Variants in ATRIP observed in about 807,000 individuals in gnomAD.
ATRIP encodes ATR interacting protein, also known as ATR-interacting protein.
A neutral mutation model predicts 78.1 loss-of-function variants in ATRIP; 44 were observed. That is an observed-to-expected ratio of 0.56 (90% CI 0.44 to 0.72). ATRIP has a LOEUF of 0.72. ATRIP is among the 30% of genes least tolerant of loss of function. The pLI is 0.00. For synonymous variants in ATRIP, 388 were observed against 408.9 expected, an observed-to-expected ratio of 0.95 and a Z score of 0.62; for missense variants, 927 against 980.2, an observed-to-expected ratio of 0.95 and a Z score of 0.72.
In ATRIP at chr3:48,460,298, G is replaced by A. The variant is rs924199157; in HGVS notation, c.1244G>A (p.Gly415Glu). The change falls in exon 8 of 13, where the codon GGA becomes GAA. Residue 415 changes from glycine (G) to glutamate (E), a missense_variant. Coordinates refer to ENST00000320211, the MANE Select transcript of ATRIP (RefSeq NM_130384.3). ...RRAFPLCQLPGAVHFLPLVQF... is the reference protein window; with the variant it reads ...RRAFPLCQLPEAVHFLPLVQF... Reference sequence around the variant, plus strand: ...GCCTTCCCACTCTGCCAGCTTCCTGGAGCCGTGCATTTCCTCCCCCTTGTA... The same window carrying A: ...GCCTTCCCACTCTGCCAGCTTCCTGAAGCCGTGCATTTCCTCCCCCTTGTA... 2.5e-6 allele frequency: 4 copies of A among 1,614,074 alleles called. No homozygotes were observed. Among genetic ancestry groups the A allele is most frequent in the Non-Finnish European group, 3.4e-6 (4 of 1,180,002 alleles).
At chr3:48,464,457 C>T in intron 10 of ATRIP, 125 bp from the exon 11 acceptor site, 3 of 1,134,410 alleles carry the variant, frequency 2.6e-6, no homozygotes, top group Non-Finnish European at 3.9e-6. Context: ...CACACCACTT[C>T]TTGGACCCCA....
chr3:48,447,023 CT>C lies in ATRIP; in HGVS notation c.179del (p.Leu60ArgfsTer12). 1 of 1,573,340 alleles carries C rather than the reference CT, an allele frequency of 6.4e-7. No homozygotes were observed. Among genetic ancestry groups the C allele is most frequent in the Admixed American group, 1.8e-5 (1 of 54,690 alleles). The stretch of plus-strand genomic sequence containing the variant: ...GCATGGGGACTTCACTGCCGACGAC[CT>C]GGAGGAGCTTGACACCCTCGCGTCA... ...GAHGDFTADD[L>X]EELDTLASQA... is the part of the protein sequence containing the mutation. On this transcript the variant is annotated frameshift_variant, in exon 1 of 13. Coordinates refer to ENST00000320211, the MANE Select transcript of ATRIP (RefSeq NM_130384.3). LOFTEE classifies it high-confidence loss of function.
chr3:48,463,839 G>T lies in ATRIP; in HGVS notation c.1840G>T (p.Ala614Ser). ...GGCTGTTGAGCTCCTCTCCCTGCTG[G>T]CGGACCACGACCAGCTGGCACCTCA... ...LLAVELLSLL[A>S]DHDQLAPQLC... is the part of the protein sequence containing the mutation. Residue 614 changes from alanine to serine, a missense_variant, in exon 9 of 13, where the codon GCG becomes TCG. Physicochemically the swap from Ala to Ser is moderately conservative, Grantham distance 99. Transcript: ENST00000320211. The T allele has an allele frequency of 1.2e-6, 2 of 1,614,136 alleles. No homozygotes were observed. Among genetic ancestry groups the T allele is most frequent in the Non-Finnish European group, 1.7e-6 (2 of 1,180,026 alleles).
rs754954019 is a variant in ATRIP, at chr3:48,464,821, CCTCT to C, written c.2056-6_2056-3del. 3.1e-4 allele frequency: 499 copies of C among 1,604,964 alleles called. 1 individual carries two copies. Among genetic ancestry groups the C allele is most frequent in the Non-Finnish European group, 3.3e-4 (393 of 1,173,200 alleles). On this transcript the variant is annotated splice_polypyrimidine_tract_variant and splice_region_variant and intron_variant, in intron 11 of 12. Coordinates refer to ENST00000320211, the MANE Select transcript of ATRIP (RefSeq NM_130384.3). ...GCACCAGGCCTCAGTCTGCACCCCC[CCTCT>C]CTCAGGTGGTCAGAGCGCTCACGGT...
intron 1 of ATRIP, chr3:48,447,622 A>C (rs1330341578): frequency 1.2e-6 from 1 of 811,962 alleles, no homozygotes; most frequent in Non-Finnish European, 1.5e-6. Context: ...AACAAAATAC[A>C]AAAACTGTCC....
At chr3:48,460,933 T>TGA (rs758519765) in intron 8 of ATRIP, 134 bp downstream of exon 8, 41 of 898,380 alleles carry the variant, frequency 4.6e-5, no homozygotes, top group Non-Finnish European at 6.0e-5. Context: ...GTTCAGGGAG[T>TGA]TCTGAAGTGA....
chr3:48,465,792 GAGGA>G lies in ATRIP; in HGVS notation c.*243_*246del. On this transcript the variant is annotated 3_prime_UTR_variant, in exon 13 of 13. Transcript: ENST00000320211. ...GTCCCCATGGTAACTGATCTGCCTT[GAGGA>G]AGGAGCCCTGCCCTGCCTGTGGAAT... The G allele has an allele frequency of 6.1e-6, 3 of 491,992 alleles. No individual in the cohort carries two copies. Among genetic ancestry groups the G allele is most frequent in the Non-Finnish European group, 1.1e-5 (3 of 268,066 alleles). The allele number at this position is 491,992 out of a possible 1,614,324, so 30.5% of individuals were successfully genotyped here.
intron 2 of ATRIP, 131 bp downstream of exon 2, chr3:48,450,301 G>T: frequency 7.9e-7 from 1 of 1,266,652 alleles, no homozygotes. Flanking sequence ...GAAAAGACTA[G>T]GGAAAGAAAA....
intron 8 of ATRIP, among the ~76,000 whole-genome samples, chr3:48,462,930 G>A (rs1054579413): frequency 6.6e-6 from 1 of 152,164 alleles, no homozygotes; most frequent in South Asian, 2.1e-4. Flanking sequence ...TGCAGGATTT[G>A]CCCTAAAGTG....
intron 5 of ATRIP, among the ~76,000 whole-genome samples, chr3:48,458,503 A>C (rs2040014235): frequency 6.6e-6 from 1 of 151,850 alleles, no homozygotes; most frequent in Non-Finnish European, 1.5e-5. Context: ...TTGTATTTTT[A>C]GTAGAGACAG....
intron 12 of ATRIP, 101 bp downstream of exon 12, chr3:48,465,184 A>T: frequency 6.9e-7 from 1 of 1,455,676 alleles, no homozygotes; most frequent in Non-Finnish European, 9.3e-7. Flanking sequence ...GCCCCCGCCC[A>T]CTGCAGCCTG....
intron 5 of ATRIP, among the ~76,000 whole-genome samples, chr3:48,457,873 A>T (rs1575280697): frequency 2.6e-5 from 4 of 151,720 alleles, no homozygotes; most frequent in Admixed American, 2.0e-4. Flanking sequence ...TTTATTTTTT[A>T]TTTTTATTTT....
intron 3 of ATRIP, among the ~76,000 whole-genome samples, chr3:48,452,817 A>C (rs1418721345): frequency 6.6e-6 from 1 of 152,206 alleles, no homozygotes; most frequent in East Asian, 1.9e-4. Context: ...CCAAAAGCAA[A>C]AAAATGACAG....
At chr3:48,452,005 A>C in intron 3 of ATRIP, 106 bp downstream of exon 3, 1 of 1,138,590 alleles carries the variant, frequency 8.8e-7, no homozygotes, top group Non-Finnish European at 1.2e-6. Context: ...TGTTTGTCTT[A>C]AATACTTTCT....
At chr3:48,458,124 C>T (rs898117266) in intron 5 of ATRIP, among the ~76,000 whole-genome samples, 4 of 148,600 alleles carry the variant, frequency 2.7e-5, no homozygotes, top group Non-Finnish European at 4.4e-5. Context: ...GTCACCCAGG[C>T]TGGAGTGCAA....
Position 48,467,149 on chromosome 3 carries a change from C to G in ATRIP, c.*1595C>G. On this transcript the variant is annotated 3_prime_UTR_variant, in exon 13 of 13. Transcript: ENST00000320211. ...ACTGCGCTGAAGGCCCTGGAGCGAG[C>G]AAGCAGCCCCTCAGAACACGGCCCA... is the stretch of plus-strand genomic sequence containing the variant. The G allele has an allele frequency of 1.2e-6, 2 of 1,614,038 alleles. No individual in the cohort carries two copies. Among genetic ancestry groups the G allele is most frequent in the Non-Finnish European group, 8.5e-7 (1 of 1,180,034 alleles).
At chr3:48,450,650 A>G in intron 2 of ATRIP, 1 of 838,818 alleles carries the variant, frequency 1.2e-6, no homozygotes, top group Non-Finnish European at 1.6e-6. Flanking sequence ...ACAGTGACAC[A>G]ATCTTGGCTC....
rs150987968 is a variant in ATRIP at position 48,465,010 on chromosome 3, G to C, written c.2235G>C (p.Leu745=). Residue 745 remains leucine (L), a synonymous_variant, in exon 12 of 13, where the codon CTG becomes CTC. Coordinates refer to ENST00000320211, the MANE Select transcript of ATRIP (RefSeq NM_130384.3). The stretch of plus-strand genomic sequence containing the variant: ...TCATGATGCACTGCGTGGAGGTCCT[G>C]CATCAGTTTGACCAGGTGATGCCGG... The part of the protein sequence containing the change: ...KLFMMHCVEV[L]HQFDQVMPGV... 47 of 1,613,928 alleles carry C rather than the reference G, an allele frequency of 2.9e-5. No individual in the cohort carries two copies. The highest frequency in any genetic ancestry group is 3.4e-5 in the Non-Finnish European group (40 of 1,180,036).
Position 48,460,290 on chromosome 3 carries a change from G to C in ATRIP, c.1236G>C (p.Gln412His). Residue 412 changes from glutamine to histidine, a missense_variant, in exon 8 of 13, where the codon CAG (glutamine) becomes CAC (histidine). Physicochemically the swap from Gln to His is conservative, Grantham distance 24. Coordinates refer to ENST00000320211, the MANE Select transcript of ATRIP (RefSeq NM_130384.3). Reference protein sequence around the residue: ...EGGRRAFPLCQLPGAVHFLPL... With the variant: ...EGGRRAFPLCHLPGAVHFLPL... ...GCAGAAGGGCCTTCCCACTCTGCCA[G>C]CTTCCTGGAGCCGTGCATTTCCTCC... 6.2e-7 allele frequency: 1 copy of C among 1,614,100 alleles called. No individual in the cohort carries two copies. The highest frequency in any genetic ancestry group is 8.5e-7 in the Non-Finnish European group (1 of 1,179,990).
Sources: allele counts gnomAD v4.1 joint callset (sites outside exome capture counted in the v4.1 genomes callset), GRCh38; gene constraint gnomAD v4.1.1; transcripts MANE v1.5; gene names NCBI Gene and HGNC (gene_info 2026-07-23, HGNC 2026-07-21).